Variants in PRDM6 observed in about 807,000 individuals in gnomAD.
PRDM6 encodes the protein putative histone-lysine N-methyltransferase PRDM6.
Under a neutral mutation model 60.8 loss-of-function variants are expected in PRDM6, and 25 were observed. The observed-to-expected ratio is 0.41, with a 90% CI of 0.30 to 0.57. The LOEUF (loss-of-function observed/expected upper bound fraction) is 0.57. PRDM6 is among the 20% of genes least tolerant of loss of function. PRDM6 has a pLI of 0.27. For synonymous variants in PRDM6, 407 were observed against 357.4 expected (o/e 1.14, Z -1.57); for missense variants, 839 against 821.3 (o/e 1.02, Z -0.26).
At chr5:123,172,416 A>G (rs1377078669) in intron 6 of PRDM6, among the ~76,000 whole-genome samples, 1 of 152,202 alleles carries the variant, frequency 6.6e-6, no homozygotes, top group African/African-American at 2.4e-5. Flanking sequence ...TTTATTTTCA[A>G]TAGGCGAGCC....
At chr5:123,093,020 TCTC>T (rs1482717867) in intron 2 of PRDM6, among the ~76,000 whole-genome samples, 1 of 152,178 alleles carries the variant, frequency 6.6e-6, no homozygotes, top group Non-Finnish European at 1.5e-5. Context: ...AACAGAAGCT[TCTC>T]CTCATTCTCG....
intron 3 of PRDM6, among the ~76,000 whole-genome samples, chr5:123,136,368 G>A (rs1764950395): frequency 6.6e-6 from 1 of 152,146 alleles, no homozygotes; most frequent in African/African-American, 2.4e-5. Flanking sequence ...GCCGAGAACT[G>A]CTGTGAGATA....
At chr5:123,097,677 T>A (rs1763988158) in intron 2 of PRDM6, among the ~76,000 whole-genome samples, 1 of 152,184 alleles carries the variant, frequency 6.6e-6, no homozygotes, top group Non-Finnish European at 1.5e-5. Context: ...TGTGTGTGTT[T>A]CAGAGGAGTT....
At chr5:123,127,423 T>C (rs1196649972) in intron 3 of PRDM6, among the ~76,000 whole-genome samples, 3 of 152,122 alleles carry the variant, frequency 2.0e-5, no homozygotes, top group East Asian at 3.9e-4. Context: ...CAACAAGAGG[T>C]TGGGAAGTTC....
chr5:123,152,992 C>A (rs1056288168), intron 3 of PRDM6, among the ~76,000 whole-genome samples: 1 of 151,932 alleles, frequency 6.6e-6, no homozygotes, highest in Admixed American at 6.6e-5. Flanking sequence ...CTCCCTTTTT[C>A]TTATATTTCT....
At position 123,099,926 on chromosome 5, in the gene PRDM6, G is replaced by A; in HGVS notation, c.865G>A (p.Ala289Thr). ...GVLLPPEKVQ[A>T]GAVRNTQHLW... is the part of the protein sequence containing the mutation. ...GCTTCTGCCCCCAGAGAAGGTGCAG[G>A]CAGGCGCCGTGAGGAACACGCAGCA... Residue 289 changes from alanine to threonine, a missense_variant, in exon 3 of 8, where the codon GCA becomes ACA. By Grantham distance (58) the Ala-to-Thr change is moderately conservative. Around this residue, in one of 2 missense-constraint regions of PRDM6, gnomAD observed 730 missense variants for 648.8 expected, o/e 1.13. Transcript: ENST00000407847. This position sits in a 1 kb window ranked among gnomAD's most constrained non-coding sequence, Gnocchi z 4.0. 6.5e-7 allele frequency: 1 copy of A among 1,538,440 alleles called. No individual in the cohort carries two copies. The highest frequency in any genetic ancestry group is 1.2e-5 in the South Asian group (1 of 82,470).
chr5:123,159,467 A>C, intron 4 of PRDM6, 47 bp from the exon 5 acceptor site: 1 of 1,540,646 alleles, frequency 6.5e-7, no homozygotes, highest in African/African-American at 1.4e-5. Flanking sequence ...ATGGGGGCAC[A>C]TGAGTCCTAT....
At chr5:123,153,558 C>G (rs961521750) in intron 3 of PRDM6, among the ~76,000 whole-genome samples, 1 of 152,112 alleles carries the variant, frequency 6.6e-6, no homozygotes, top group Non-Finnish European at 1.5e-5. Flanking sequence ...GCCAGGAAAA[C>G]CAAACCTCAT....
intron 2 of PRDM6, among the ~76,000 whole-genome samples, chr5:123,094,035 C>G (rs1383870783): frequency 2.6e-5 from 4 of 151,748 alleles, no homozygotes; most frequent in Admixed American, 6.6e-5. Flanking sequence ...GGAAACAGCG[C>G]CGGTGTGTGC....
chr5:123,098,232 G>A (rs545690764), intron 2 of PRDM6, among the ~76,000 whole-genome samples: 51 of 152,342 alleles, frequency 3.3e-4, no homozygotes, highest in Non-Finnish European at 6.0e-4. Context: ...AGGGCCACCC[G>A]CCGCCCCGCT....
rs1766327454 is a variant in PRDM6, at chr5:123,187,966, C to T, written c.*765C>T. ...TACGTTATATTGTTCCGAAGCAGCT[C>T]GTTGAGAAACATTTGTTTTCAATAA... On this transcript the variant is annotated 3_prime_UTR_variant, in exon 8 of 8. Coordinates refer to ENST00000407847, the MANE Select transcript of PRDM6 (RefSeq NM_001136239.4). The T allele has an allele frequency of 1.3e-5, 2 of 150,454 alleles. No homozygotes were observed. The highest frequency in any genetic ancestry group is 2.1e-4 in the South Asian group (1 of 4,766). The allele number at this position is 150,454 out of a possible 1,614,324, so 9.3% of individuals were successfully genotyped here. A position where few individuals can be genotyped will look rare whatever the true frequency, so the allele number is the denominator to read the frequency against.
intron 3 of PRDM6, among the ~76,000 whole-genome samples, chr5:123,142,180 T>A (rs467069): frequency 0.33 from 49,985 of 151,996 alleles, 8,642 homozygotes; most frequent in Middle Eastern, 0.37. Context: ...TGGTTGCATT[T>A]TGACTCTTAT....
chr5:123,173,398 C>T (rs969290889), intron 6 of PRDM6: 3 of 166,996 alleles, frequency 1.8e-5, no homozygotes, highest in African/African-American at 7.2e-5. Context: ...ATCTAGGCGG[C>T]ATGAGACTCC....
At chr5:123,168,244 A>AG (rs1413699371) in intron 5 of PRDM6, among the ~76,000 whole-genome samples, 1 of 152,246 alleles carries the variant, frequency 6.6e-6, no homozygotes, top group African/African-American at 2.4e-5. Context: ...ATACGTACGT[A>AG]GGTGTATATA....
chr5:123,117,546 C>T (rs1390884483), intron 3 of PRDM6, among the ~76,000 whole-genome samples: 1 of 152,138 alleles, frequency 6.6e-6, no homozygotes, highest in African/African-American at 2.4e-5. Context: ...AATGGGGACA[C>T]ATGAGAAAGG....
At chr5:123,179,535 C>T (rs550358248) in intron 6 of PRDM6, among the ~76,000 whole-genome samples, 2 of 152,246 alleles carry the variant, frequency 1.3e-5, no homozygotes, top group East Asian at 1.9e-4. Flanking sequence ...GTTTAATATC[C>T]GTTAAAACAC....
chr5:123,166,273 C>T (rs1002333496), intron 5 of PRDM6, among the ~76,000 whole-genome samples: 1 of 152,110 alleles, frequency 6.6e-6, no homozygotes, highest in Non-Finnish European at 1.5e-5. Flanking sequence ...GCAAAGCTGC[C>T]GATATTCCAT....
rs138948319 is a variant in PRDM6, at chr5:123,164,053, A to G, written c.1153+4415A>G. On this transcript the variant is annotated intron_variant, in intron 5 of 7. Transcript: ENST00000407847. ...CCCTTAGTGGTGACCTTTAGAAGAT[A>G]ATGTATAGTTCAGTCCACAAGACCA... Among the ~76,000 whole-genome samples the G allele has an allele frequency of 1.9e-3, 285 of 152,276 alleles. 2 individuals are homozygous for G. In the Middle Eastern group the frequency reaches 0.024, roughly 13 times the overall value.
chr5:123,094,432 T>TTCTCTCTCTCTCTCTCTCTC lies in PRDM6; in HGVS notation c.592+3833_592+3852dup, dbSNP rs3037346. On this transcript the variant is annotated intron_variant, in intron 2 of 7. Coordinates refer to ENST00000407847, the MANE Select transcript of PRDM6 (RefSeq NM_001136239.4). ...GGCTTCAGTGCGTGGGCTTTTGTGT[T>TTCTCTCTCTCTCTCTCTCTC]TCTCTCTCTCTCTCTCTCTCTCTCT... is the stretch of plus-strand genomic sequence containing the variant. Among the ~76,000 whole-genome samples, 636 of 148,024 alleles carry TTCTCTCTCTCTCTCTCTCTC rather than the reference T, an allele frequency of 4.3e-3. 3 individuals carry two copies. The highest frequency in any genetic ancestry group is 6.4e-3 in the Non-Finnish European group (431 of 66,876).
Sources: gnomAD v4.1 joint callset for allele counts (sites outside exome capture counted in the v4.1 genomes callset) on GRCh38, gnomAD v4.1.1 for gene constraint, gnomAD v4.1.1 regional missense constraint, Gnocchi (gnomAD v3.1) non-coding constraint, MANE v1.5 for transcripts, NCBI Gene and HGNC (gene_info 2026-07-23, HGNC 2026-07-21) for gene names.